The following AFF1 variants were observed in gnomAD, a reference collection of about 807,000 sequenced individuals.
The protein encoded by AFF1 is ALF transcription elongation factor 1.
Under a neutral mutation model 121.7 loss-of-function variants are expected in AFF1, and 48 were observed. The ratio of observed to expected loss-of-function variants is 0.39; its 90% CI spans 0.31 to 0.50. The LOEUF (loss-of-function observed/expected upper bound fraction) is 0.50. Ranked by LOEUF, AFF1 falls within the 20% of genes least tolerant of loss-of-function variation. The probability of loss-of-function intolerance (pLI) is 0.76; values close to 1 mark genes in which losing one functional copy is unlikely to be tolerated. For synonymous variants in AFF1, 613 were observed against 563.0 expected, an observed-to-expected ratio of 1.09 and a Z score of -1.26; for missense variants, 1,523 against 1,511.7, an observed-to-expected ratio of 1.01 and a Z score of -0.12.
At position 86,950,354 on chromosome 4, in the gene AFF1, A is replaced by G. The variant is rs151204689; in HGVS notation, c.38+1783A>G. ...CCCCGACACCTGGCTAATTTTTGGT[A>G]GAGACGGGGTTTCACCATGTTGGCA... On this transcript the variant is annotated intron_variant, in intron 2 of 20. Transcript: ENST00000395146. 1.9e-4 allele frequency among the ~76,000 whole-genome samples: 29 copies of G among 152,242 alleles called. 1 individual carries two copies. In the East Asian group the frequency reaches 5.6e-3, roughly 29 times the overall value.
At position 87,137,382 on chromosome 4, in the gene AFF1, C is replaced by T; in HGVS notation, c.*1681C>T. On this transcript the variant is annotated 3_prime_UTR_variant, in exon 21 of 21. Transcript: ENST00000395146. ...GAACTCTCTTGGTAGTTTGTAAATACACAAAGGGATGTGTCGAGGGATGGG... is the reference window on the plus strand; with the variant it reads ...GAACTCTCTTGGTAGTTTGTAAATATACAAAGGGATGTGTCGAGGGATGGG... The T allele has an allele frequency of 4.4e-6, 1 of 229,698 alleles. No individual in the cohort carries two copies. Among genetic ancestry groups the T allele is most frequent in the Non-Finnish European group, 8.7e-6 (1 of 115,548 alleles). 14.2% of individuals were successfully genotyped at this position (229,698 alleles called of 1,614,324 possible).
chr4:87,016,847 C>G (rs1265837466), intron 2 of AFF1, among the ~76,000 whole-genome samples: 1 of 152,076 alleles, frequency 6.6e-6, no homozygotes, highest in African/African-American at 2.4e-5. Context: ...TCTTTACTTG[C>G]ATATGTATAT....
intron 5 of AFF1, among the ~76,000 whole-genome samples, chr4:87,085,512 T>C (rs1398466466): frequency 6.6e-6 from 1 of 152,070 alleles, no homozygotes; most frequent in East Asian, 1.9e-4. Flanking sequence ...ATTGCTCATA[T>C]TTTCTCAAAA....
chr4:87,082,140 C>T (rs951915968), intron 4 of AFF1, among the ~76,000 whole-genome samples: 7 of 152,196 alleles, frequency 4.6e-5, no homozygotes, highest in South Asian at 2.1e-4. Context: ...TCCAGCAACA[C>T]GTAGGATGAG....
At chr4:87,085,526 AT>A (rs1723640586) in intron 5 of AFF1, among the ~76,000 whole-genome samples, 1 of 151,854 alleles carries the variant, frequency 6.6e-6, no homozygotes, top group Non-Finnish European at 1.5e-5. Flanking sequence ...CTCAAAATAC[AT>A]TTACTCAATT....
chr4:87,046,484 G>A (rs895399585), intron 3 of AFF1, among the ~76,000 whole-genome samples, 198 bp downstream of exon 3: 1 of 152,116 alleles, frequency 6.6e-6, no homozygotes, highest in South Asian at 2.1e-4. Flanking sequence ...AAAGTTTGTG[G>A]TTTTCTTTTG....
At position 87,011,969 on chromosome 4, in the gene AFF1, A is replaced by G. The variant is rs1199172484; in HGVS notation, c.39-34197A>G. On this transcript the variant is annotated intron_variant, in intron 2 of 20. Coordinates refer to ENST00000395146, the MANE Select transcript of AFF1 (RefSeq NM_001166693.3). ...TCCATAGCTGGATTTACACTCTTGA[A>G]AATGGGGTTTTTGTGCGTGCTGCAT... 2.0e-5 allele frequency among the ~76,000 whole-genome samples: 3 copies of G among 152,212 alleles called. No homozygotes were observed. The South Asian group carries it at 6.2e-4, about 32-fold the overall frequency.
intron 1 of AFF1, among the ~76,000 whole-genome samples, chr4:86,941,140 A>C (rs1389364238): frequency 1.3e-5 from 2 of 152,172 alleles, no homozygotes; most frequent in Non-Finnish European, 2.9e-5. Flanking sequence ...TATACTGCAT[A>C]GTGAACATGC....
intron 2 of AFF1, among the ~76,000 whole-genome samples, chr4:86,961,257 G>A (rs1186575053): frequency 6.6e-6 from 1 of 152,116 alleles, no homozygotes; most frequent in African/African-American, 2.4e-5. Context: ...AACTCCCTAT[G>A]AGGTTATGTT....
intron 2 of AFF1, among the ~76,000 whole-genome samples, chr4:87,034,876 A>G (rs1479768589): frequency 6.6e-6 from 1 of 152,244 alleles, no homozygotes; most frequent in East Asian, 1.9e-4. Flanking sequence ...ATCATTGGAA[A>G]TTGAGTAATG....
At chr4:87,115,382 TA>T (rs1727001647) in intron 12 of AFF1, 83 bp downstream of exon 12, 1 of 1,330,466 alleles carries the variant, frequency 7.5e-7, no homozygotes, top group African/African-American at 1.5e-5. Context: ...GCCTTTGATT[TA>T]GGCCCAGTTG....
intron 2 of AFF1, among the ~76,000 whole-genome samples, chr4:86,950,332 C>T (rs367869970): frequency 4.7e-4 from 72 of 152,288 alleles, no homozygotes; most frequent in African/African-American, 1.4e-3. Context: ...GCGCATGCCC[C>T]GACACCTGGC....
intron 2 of AFF1, among the ~76,000 whole-genome samples, chr4:86,958,096 T>C (rs1487359314): frequency 1.4e-5 from 2 of 143,320 alleles, no homozygotes; most frequent in Admixed American, 7.0e-5. Flanking sequence ...TTTTCCTTTT[T>C]TTTTTTTTTT....
At chr4:87,117,749 G>C (rs140347367) in intron 12 of AFF1, among the ~76,000 whole-genome samples, 2 of 152,166 alleles carry the variant, frequency 1.3e-5, no homozygotes, top group Admixed American at 1.3e-4. Context: ...TTATTTCTTC[G>C]TCAGAGAATC....
At position 87,114,864 on chromosome 4, in the gene AFF1, G is replaced by C; in HGVS notation, c.2031G>C (p.Lys677Asn). The C allele has an allele frequency of 6.2e-7, 1 of 1,613,850 alleles. No individual in the cohort carries two copies. Among genetic ancestry groups the C allele is most frequent in the East Asian group, 2.2e-5 (1 of 44,842 alleles). ...KPAVPPSSEK[K>N]KHKSSLPAPS... ...CAGTGCCCCCCTCCAGTGAGAAGAA[G>C]AAGCACAAGAGCTCCCTCCCTGCCC... is the stretch of plus-strand genomic sequence containing the variant. Residue 677 changes from lysine (K) to asparagine (N), a missense_variant, in exon 12 of 21, where the codon AAG becomes AAC. This residue lies in a region of AFF1 where 905 missense variants were observed against 842.5 expected (regional missense o/e 1.07). Transcript: ENST00000395146.
At chr4:86,956,830 A>AG (rs1721776605) in intron 2 of AFF1, among the ~76,000 whole-genome samples, 1 of 152,224 alleles carries the variant, frequency 6.6e-6, no homozygotes, top group Non-Finnish European at 1.5e-5. Flanking sequence ...ATGGACATTT[A>AG]GGTAGTATCC....
intron 2 of AFF1, among the ~76,000 whole-genome samples, chr4:87,043,786 CA>C (rs1211303554): frequency 6.6e-6 from 1 of 152,012 alleles, no homozygotes; most frequent in Non-Finnish European, 1.5e-5. Flanking sequence ...GTTTTTGATA[CA>C]CACAGGTCTA....
At chr4:87,097,951 A>G (rs1489492512) in intron 8 of AFF1, among the ~76,000 whole-genome samples, 1 of 152,154 alleles carries the variant, frequency 6.6e-6, no homozygotes, top group East Asian at 1.9e-4. Context: ...CAGTTAAGCT[A>G]TTTGAGTGGC....
At chr4:87,086,044 A>G (rs748526120) in intron 5 of AFF1, among the ~76,000 whole-genome samples, 2 of 152,168 alleles carry the variant, frequency 1.3e-5, no homozygotes, top group African/African-American at 4.8e-5. Context: ...TGGCTGAGAA[A>G]CATACTTTGA....
Sources: gnomAD v4.1 joint callset for allele counts (sites outside exome capture counted in the v4.1 genomes callset) on GRCh38, gnomAD v4.1.1 for gene constraint, gnomAD v4.1.1 regional missense constraint, MANE v1.5 for transcripts, NCBI Gene and HGNC (gene_info 2026-07-23, HGNC 2026-07-21) for gene names.